Variants in BPTF observed in about 807,000 individuals in gnomAD.
BPTF encodes the protein nucleosome-remodeling factor subunit BPTF.
In BPTF, 18 loss-of-function variants were observed where a neutral mutation model predicts 292.5. That is an observed-to-expected ratio of 0.06 (90% confidence interval 0.04 to 0.09). BPTF has a LOEUF of 0.09. Ranked by LOEUF, BPTF falls within the 10% of genes least tolerant of loss-of-function variation. The pLI is 1.00. For missense variants in BPTF, 2,726 were observed against 3,498.7 expected (o/e 0.78, Z 5.57); for synonymous variants, 1,225 against 1,251.9 (o/e 0.98, Z 0.45).
Position 67,914,191 on chromosome 17 carries a change from T to C in BPTF, c.5303+1004T>C, listed in dbSNP as rs142220103. ...CTTAGGCTTCGTTTTTGTGTGTCTT[T>C]TAATATTTTTCCAATTTCTTTAAAA... On this transcript the variant is annotated intron_variant, in intron 11 of 27. Coordinates refer to ENST00000306378, the MANE Select transcript of BPTF (RefSeq NM_182641.4). Among the ~76,000 whole-genome samples, 3 of 152,312 alleles carry C rather than the reference T, an allele frequency of 2.0e-5. No individual in the cohort carries two copies. In the East Asian group the frequency reaches 5.8e-4, roughly 29 times the overall value.
intron 3 of BPTF, among the ~76,000 whole-genome samples, chr17:67,870,275 T>C (rs1055468159): frequency 2.6e-5 from 4 of 151,324 alleles, no homozygotes; most frequent in Admixed American, 6.6e-5. Context: ...TTTTTTTTTT[T>C]TCGGCTAAGG....
At position 67,948,205 on chromosome 17, in the gene BPTF, A is replaced by C; in HGVS notation, c.7825A>C (p.Thr2609Pro). 6.2e-7 allele frequency: 1 copy of C among 1,614,212 alleles called. No individual in the cohort carries two copies. The part of the protein sequence containing the change: ...VEQKRSKQNA[T>P]KLSALLFKHK... ...GCAGAAACGTAGCAAGCAGAATGCC[A>C]CTAAGCTGTCAGCTCTGCTCTTCAA... The change falls in exon 23 of 28, where the codon ACT becomes CCT. Residue 2609 changes from threonine (T) to proline (P), a missense_variant. Around this residue, in one of 22 missense-constraint regions of BPTF, gnomAD observed 26 missense variants for 60.6 expected, o/e 0.43. Coordinates refer to ENST00000306378, the MANE Select transcript of BPTF (RefSeq NM_182641.4).
intron 23 of BPTF, among the ~76,000 whole-genome samples, chr17:67,957,535 C>A (rs1555681667): frequency 3.3e-5 from 5 of 152,092 alleles, no homozygotes. Context: ...AACCCTGTCT[C>A]TAAAAGAATT....
chr17:67,911,720 T>A lies in BPTF; in HGVS notation c.3836T>A (p.Leu1279Gln). 6.2e-7 allele frequency: 1 copy of A among 1,614,134 alleles called. No homozygotes were observed. The highest frequency in any genetic ancestry group is 8.5e-7 in the Non-Finnish European group (1 of 1,180,020). Residue 1279 changes from leucine (L) to glutamine (Q), a missense_variant, in exon 11 of 28, where the codon CTG (leucine) becomes CAG (glutamine). Around this residue, in one of 22 missense-constraint regions of BPTF, gnomAD observed 713 missense variants for 714.9 expected, o/e 1.00. Coordinates refer to ENST00000306378, the MANE Select transcript of BPTF (RefSeq NM_182641.4). ...LSRAMDFEGK[L>Q]GCDSESNSTL... ...AGAGCAATGGACTTTGAAGGAAAAC[T>A]GGGATGTGACTCTGAATCTAATAGC...
At chr17:67,923,471 C>CTTTTTTTTTTTTTTTTTT (rs58462646) in intron 14 of BPTF, among the ~76,000 whole-genome samples, 1 of 67,494 alleles carries the variant, frequency 1.5e-5, no homozygotes, top group African/African-American at 5.9e-5. Context: ...CTCTCTCTGT[C>CTTTTTTTTTTTTTTTTTT]TTTTTTTTTT....
chr17:67,830,338 G>A (rs2056551390), intron 1 of BPTF, among the ~76,000 whole-genome samples: 1 of 152,222 alleles, frequency 6.6e-6, no homozygotes, highest in Non-Finnish European at 1.5e-5. Flanking sequence ...TACCCTGGGA[G>A]AGTTAGTGAT....
chr17:67,895,462 ATT>A (rs1228953258), intron 7 of BPTF, among the ~76,000 whole-genome samples: 165 of 130,886 alleles, frequency 1.3e-3, no homozygotes, highest in East Asian at 8.8e-3. Context: ...CACCACATAC[ATT>A]TTTTTTTTTT....
chr17:67,960,063 A>T, intron 24 of BPTF, 188 bp downstream of exon 24: 1 of 518,422 alleles, frequency 1.9e-6, no homozygotes. Context: ...TTGCTATTTC[A>T]CGTGTTTGTG....
At chr17:67,952,330 C>A (rs1226761441) in intron 23 of BPTF, among the ~76,000 whole-genome samples, 1 of 142,402 alleles carries the variant, frequency 7.0e-6, no homozygotes, top group East Asian at 2.1e-4. Flanking sequence ...GTAGGGCCAT[C>A]TCCGTTCACT....
In BPTF at chr17:67,912,436, C is replaced by T. The variant is rs1472701730; in HGVS notation, c.4552C>T (p.Pro1518Ser). Residue 1518 changes from proline to serine, a missense_variant, in exon 11 of 28, where the codon CCC (proline) becomes TCC (serine). Physicochemically the swap from Pro to Ser is moderately conservative, Grantham distance 74. Transcript: ENST00000306378. ...KESDSTQTTT[P>S]SASCPESNSV... The stretch of plus-strand genomic sequence containing the variant: ...GTCTGACAGTACACAGACGACCACA[C>T]CCTCAGCATCTTGTCCAGAAAGCAA... 10 of 1,613,802 alleles carry T rather than the reference C, an allele frequency of 6.2e-6. No homozygotes were observed. The highest frequency in any genetic ancestry group is 8.5e-6 in the Non-Finnish European group (10 of 1,179,934).
chr17:67,939,094 A>G (rs753654535), intron 18 of BPTF, among the ~76,000 whole-genome samples: 35 of 152,336 alleles, frequency 2.3e-4, no homozygotes, highest in Non-Finnish European at 4.6e-4. Flanking sequence ...ACTTAGTACT[A>G]TATTCCTACT....
rs755046181 is a variant in BPTF, at chr17:67,892,045, T to C, written c.2055+11T>C. The C allele has an allele frequency of 1.3e-6, 2 of 1,527,932 alleles. No individual in the cohort carries two copies. Among genetic ancestry groups the C allele is most frequent in the African/African-American group, 2.8e-5 (2 of 70,998 alleles). 94.6% of individuals were successfully genotyped at this position (1,527,932 alleles called of 1,614,324 possible). On this transcript the variant is annotated intron_variant, in intron 5 of 27. Coordinates refer to ENST00000306378, the MANE Select transcript of BPTF (RefSeq NM_182641.4). ...AAGGAGGGCAAAGAGGTGTGTTCTTTCTGTTTAAAACAAAAATCTGTGGAA... is the reference window on the plus strand; with the variant it reads ...AAGGAGGGCAAAGAGGTGTGTTCTTCCTGTTTAAAACAAAAATCTGTGGAA...
intron 1 of BPTF, among the ~76,000 whole-genome samples, chr17:67,834,573 G>A (rs1191266514): frequency 2.6e-5 from 4 of 151,964 alleles, no homozygotes; most frequent in Non-Finnish European, 5.9e-5. Flanking sequence ...TGTATTTTGA[G>A]GCTTTATATT....
chr17:67,846,916 GTCCTAAACTCCGGACCTCAAGTGA>G (rs1474801633), intron 1 of BPTF, among the ~76,000 whole-genome samples: 1 of 152,066 alleles, frequency 6.6e-6, no homozygotes, highest in East Asian at 1.9e-4. Context: ...GGCCAGGCTG[GTCCTAAACTCCGGACCTCAAGTGA>G]TCCACCCGCC....
intron 4 of BPTF, among the ~76,000 whole-genome samples, chr17:67,885,531 A>G (rs1169938205): frequency 6.6e-6 from 1 of 152,192 alleles, no homozygotes; most frequent in Non-Finnish European, 1.5e-5. Context: ...TGGAGGCTAC[A>G]GTCAGCCGAG....
chr17:67,964,163 A>C, intron 24 of BPTF, 49 bp from the exon 25 acceptor site: 1 of 1,556,112 alleles, frequency 6.4e-7, no homozygotes, highest in Admixed American at 1.7e-5. Context: ...ATTATAAGTA[A>C]CATCATCCCA....
At chr17:67,882,016 G>C (rs138469313) in intron 4 of BPTF, among the ~76,000 whole-genome samples, 1,546 of 150,810 alleles carry the variant, frequency 0.01, 8 homozygotes, top group Middle Eastern at 0.024. Context: ...TGTATTTTTA[G>C]TAGAGACAGG....
intron 4 of BPTF, among the ~76,000 whole-genome samples, chr17:67,881,700 C>CT (rs1192145259): frequency 6.6e-6 from 1 of 151,558 alleles, no homozygotes; most frequent in African/African-American, 2.4e-5. Flanking sequence ...GATGGGGTTT[C>CT]ACATGTTGGC....
chr17:67,860,961 A>G (rs1264126437), intron 2 of BPTF, among the ~76,000 whole-genome samples: 1 of 152,184 alleles, frequency 6.6e-6, no homozygotes, highest in Non-Finnish European at 1.5e-5. Flanking sequence ...CAAACCACAT[A>G]TTAACTTACT....
Sources: gnomAD v4.1 joint callset for allele counts (sites outside exome capture counted in the v4.1 genomes callset) on GRCh38, gnomAD v4.1.1 for gene constraint, gnomAD v4.1.1 regional missense constraint, MANE v1.5 for transcripts, NCBI Gene and HGNC (gene_info 2026-07-23, HGNC 2026-07-21) for gene names.